VANGL2: variants seen among roughly 807,000 people sequenced by gnomAD.
VANGL2 encodes the protein VANGL planar cell polarity protein 2.
Under a neutral mutation model 50.2 loss-of-function variants are expected in VANGL2, and 14 were observed. The observed-to-expected ratio is 0.28, with a 90% CI of 0.18 to 0.44. The LOEUF is 0.44. Among genes scored for constraint, VANGL2 ranks in the 20% least tolerant of loss-of-function variants. VANGL2 has a pLI of 1.00. For synonymous variants in VANGL2, 295 were observed against 297.2 expected (o/e 0.99, Z 0.08); for missense variants, 533 against 701.5 (o/e 0.76, Z 2.71).
chr1:160,416,271 G>T, intron 3 of VANGL2, 89 bp downstream of exon 3: 1 of 1,604,630 alleles, frequency 6.2e-7, no homozygotes, highest in South Asian at 1.1e-5. Flanking sequence ...GGAGGGCTTG[G>T]AAACCTGGTC....
At position 160,419,409 on chromosome 1, in the gene VANGL2, T is replaced by C. The variant is rs1271254246; in HGVS notation, c.600T>C (p.Tyr200=). Residue 200 remains tyrosine, a synonymous_variant, in exon 4 of 8, where the codon TAT becomes TAC. Transcript: ENST00000368061. The surrounding 1 kb of genome is among the most constrained non-coding windows in gnomAD (Gnocchi z 5.8). ...FLLVVSYWLF[Y]GVRILDARER... ...TCGTGGTCTCCTACTGGCTCTTCTA[T>C]GGTGTGCGCATCCTGGATGCTCGGG... 6.2e-7 allele frequency: 1 copy of C among 1,612,294 alleles called. No homozygotes were observed. Among genetic ancestry groups the C allele is most frequent in the African/African-American group, 1.3e-5 (1 of 74,922 alleles).
Position 160,424,265 on chromosome 1 carries a change from G to A in VANGL2, c.1287G>A (p.Thr429=), listed in dbSNP as rs572362079. The A allele has an allele frequency of 8.1e-6, 13 of 1,613,992 alleles. No homozygotes were observed. The East Asian group carries it at 1.3e-4, about 17-fold the overall frequency. The stretch of plus-strand genomic sequence containing the variant: ...TGCAGCACCTTGAATTCTGCATCAC[G>A]CATGACATGACGCCCAAGGTAGGCC... The part of the protein sequence containing the change: ...SILQHLEFCI[T]HDMTPKAFLE... Residue 429 remains threonine (T), a synonymous_variant, in exon 7 of 8, where the codon ACG becomes ACA. Coordinates refer to ENST00000368061, the MANE Select transcript of VANGL2 (RefSeq NM_020335.3).
chr1:160,421,266 T>G, intron 6 of VANGL2, 79 bp downstream of exon 6: 4 of 1,570,888 alleles, frequency 2.5e-6, no homozygotes, highest in Non-Finnish European at 3.5e-6. Flanking sequence ...CTTCTGTAAC[T>G]GCTGGAAATA....
In VANGL2 at chr1:160,413,487, C is replaced by T. The variant is rs184727440; in HGVS notation, c.-190-2161C>T. Among the ~76,000 whole-genome samples the T allele has an allele frequency of 4.6e-5, 7 of 152,218 alleles. No individual in the cohort carries two copies. The East Asian group carries it at 7.7e-4, about 17-fold the overall frequency. On this transcript the variant is annotated intron_variant, in intron 1 of 7. Transcript: ENST00000368061. ...TCATCTTGGCCAGGCTGGTCTTGAA[C>T]TCCTGACCTCGTGATCCACCCGCCT...
intron 1 of VANGL2, among the ~76,000 whole-genome samples, chr1:160,405,086 TTCC>T (rs943416739): frequency 1.8e-4 from 28 of 152,250 alleles, no homozygotes; most frequent in African/African-American, 6.7e-4. Context: ...AACTTGCTCT[TTCC>T]TCCTCTTTCC....
At chr1:160,407,869 G>T (rs1650736872) in intron 1 of VANGL2, among the ~76,000 whole-genome samples, 1 of 152,186 alleles carries the variant, frequency 6.6e-6, no homozygotes, top group South Asian at 2.1e-4. Context: ...AAGCCTGGTG[G>T]TGGAAATTGT....
chr1:160,406,483 G>C (rs1379368661), intron 1 of VANGL2, among the ~76,000 whole-genome samples: 1 of 152,138 alleles, frequency 6.6e-6, no homozygotes, highest in Admixed American at 6.5e-5. Flanking sequence ...CCTGGGGTGG[G>C]TCTCTTTCTC....
chr1:160,406,689 C>G (rs1217650544), intron 1 of VANGL2, among the ~76,000 whole-genome samples: 2 of 151,076 alleles, frequency 1.3e-5, no homozygotes, highest in African/African-American at 4.9e-5. Flanking sequence ...TCAGCCTGGT[C>G]AGAGAGAGAG....
chr1:160,419,294 G>C lies in VANGL2; in HGVS notation c.485G>C (p.Gly162Ala). 1 of 1,608,158 alleles carries C rather than the reference G, an allele frequency of 6.2e-7. No individual in the cohort carries two copies. Among genetic ancestry groups the C allele is most frequent in the Non-Finnish European group, 8.5e-7 (1 of 1,180,000 alleles). The change falls in exon 4 of 8, where the codon GGC becomes GCC. Residue 162 changes from glycine (G) to alanine (A), a missense_variant. Coordinates refer to ENST00000368061, the MANE Select transcript of VANGL2 (RefSeq NM_020335.3). This position sits in a 1 kb window ranked among gnomAD's most constrained non-coding sequence, Gnocchi z 5.8. ...TTCAAGCTGCTCATCCTGCTACTGG[G>C]CAGCTGGGCTCTGTTCTTCCGCCGG... Reference protein sequence around the residue: ...VAFKLLILLLGSWALFFRRPK... With the variant: ...VAFKLLILLLASWALFFRRPK...
chr1:160,406,761 G>T (rs987416672), intron 1 of VANGL2, among the ~76,000 whole-genome samples: 1 of 150,410 alleles, frequency 6.6e-6, no homozygotes, highest in Non-Finnish European at 1.5e-5. Flanking sequence ...AAACCGTTTC[G>T]CTCGTTGACT....
chr1:160,416,453 G>A (rs1055796450), intron 3 of VANGL2, among the ~76,000 whole-genome samples: 3 of 152,280 alleles, frequency 2.0e-5, no homozygotes, highest in East Asian at 3.9e-4. Context: ...ATGGGAATTG[G>A]CCAGCTCCTC....
At position 160,419,280 on chromosome 1, in the gene VANGL2, C is replaced by G; in HGVS notation, c.471C>G (p.Leu157=). The G allele has an allele frequency of 1.2e-6, 2 of 1,607,914 alleles. No homozygotes were observed. Among genetic ancestry groups the G allele is most frequent in the Non-Finnish European group, 1.7e-6 (2 of 1,179,994 alleles). Residue 157 remains leucine (L), a synonymous_variant, in exon 4 of 8, where the codon CTC becomes CTG. Coordinates refer to ENST00000368061, the MANE Select transcript of VANGL2 (RefSeq NM_020335.3). This position sits in a 1 kb window ranked among gnomAD's most constrained non-coding sequence, Gnocchi z 5.8. ...TCATCTCTGTCGCCTTCAAGCTGCT[C>G]ATCCTGCTACTGGGCAGCTGGGCTC... is the stretch of plus-strand genomic sequence containing the variant. ...GLFISVAFKL[L]ILLLGSWALF...
intron 1 of VANGL2, among the ~76,000 whole-genome samples, chr1:160,409,710 T>C (rs1442709838): frequency 2.0e-5 from 3 of 152,230 alleles, no homozygotes; most frequent in Non-Finnish European, 4.4e-5. Context: ...GTCTCTGCTC[T>C]GCCTTGCACT....
intron 3 of VANGL2, among the ~76,000 whole-genome samples, chr1:160,417,646 T>C (rs1651107311): frequency 6.6e-6 from 1 of 152,236 alleles, no homozygotes; most frequent in South Asian, 2.1e-4. Flanking sequence ...TTTGATCAGG[T>C]TTACTCCTTC....
intron 1 of VANGL2, among the ~76,000 whole-genome samples, chr1:160,409,181 G>A (rs1650790711): frequency 6.6e-6 from 1 of 152,224 alleles, no homozygotes; most frequent in African/African-American, 2.4e-5. Context: ...AGGAACCAGT[G>A]TCCAGAGCAG....
At chr1:160,423,999 G>C in intron 6 of VANGL2, 53 bp from the exon 7 acceptor site, 1 of 1,594,208 alleles carries the variant, frequency 6.3e-7, no homozygotes, top group Admixed American at 1.7e-5. Context: ...GGAGAGGGGT[G>C]GGGTGGGGGA....
intron 1 of VANGL2, among the ~76,000 whole-genome samples, chr1:160,410,534 C>A (rs1051981279): frequency 6.6e-6 from 1 of 152,134 alleles, no homozygotes; most frequent in African/African-American, 2.4e-5. Context: ...GTCTGGTCAT[C>A]GGCCCCCAGC....
At chr1:160,401,148 A>G (rs1650445312) in intron 1 of VANGL2, among the ~76,000 whole-genome samples, 1 of 151,664 alleles carries the variant, frequency 6.6e-6, no homozygotes, top group South Asian at 2.1e-4. Flanking sequence ...AGAGCCGGGG[A>G]CTTTCCTGGG....
chr1:160,412,606 G>C (rs899270937), intron 1 of VANGL2, among the ~76,000 whole-genome samples: 1 of 152,140 alleles, frequency 6.6e-6, no homozygotes, highest in African/African-American at 2.4e-5. Context: ...AAGGCTTATG[G>C]TTGGGTTAAG....
Sources: allele counts gnomAD v4.1 joint callset (sites outside exome capture counted in the v4.1 genomes callset), GRCh38; gene constraint gnomAD v4.1.1; non-coding constraint Gnocchi (gnomAD v3.1); transcripts MANE v1.5; gene names NCBI Gene and HGNC (gene_info 2026-07-23, HGNC 2026-07-21).